RPL6: variants seen among roughly 807,000 people sequenced by gnomAD.
The protein encoded by RPL6 is large ribosomal subunit protein eL6.
Under a neutral mutation model 32.1 loss-of-function variants are expected in RPL6, and 1 was observed. The ratio of observed to expected loss-of-function variants is 0.03; its 90% CI spans 0.01 to 0.15. The LOEUF (loss-of-function observed/expected upper bound fraction) is 0.15, where lower values mean the gene tolerates loss of function less well. Ranked by LOEUF, RPL6 falls within the 10% of genes least tolerant of loss-of-function variation. The pLI, the probability that RPL6 is intolerant of heterozygous loss-of-function variation, is 1.00. For synonymous variants in RPL6, 126 were observed against 131.6 expected, an observed-to-expected ratio of 0.96 and a Z score of 0.29; for missense variants, 275 against 354.6, an observed-to-expected ratio of 0.78 and a Z score of 1.80.
intron 6 of RPL6, 175 bp from the exon 7 acceptor site, chr12:112,405,551 T>C: frequency 1.4e-6 from 1 of 705,362 alleles, no homozygotes; most frequent in Admixed American, 3.1e-5. Flanking sequence ...TTTTTTAATG[T>C]AATAAAAGTA....
chr12:112,407,643 G>C (rs2037212529), intron 3 of RPL6: 1 of 153,216 alleles, frequency 6.5e-6, no homozygotes, highest in Non-Finnish European at 1.5e-5. Flanking sequence ...GTGTGGTAAA[G>C]GGGGCCAAGA....
chr12:112,406,962 A>G (rs2037189278), intron 3 of RPL6, 72 bp from the exon 4 acceptor site: 1 of 1,511,688 alleles, frequency 6.6e-7, no homozygotes, highest in Non-Finnish European at 9.1e-7. Context: ...TATGTCAGCC[A>G]AACTTTTGCT....
intron 1 of RPL6, among the ~76,000 whole-genome samples, chr12:112,417,299 C>A (rs1158267660): frequency 6.6e-6 from 1 of 152,042 alleles, no homozygotes; most frequent in African/African-American, 2.4e-5. Flanking sequence ...CTCAAGTGAT[C>A]TGCTCTCCTT....
At chr12:112,408,158 T>C (rs2037233379) in intron 3 of RPL6, 82 bp downstream of exon 3, 1 of 1,032,582 alleles carries the variant, frequency 9.7e-7, no homozygotes, top group Admixed American at 2.3e-5. Context: ...ATGCAGAAAC[T>C]TACAGTATCT....
intron 1 of RPL6, 181 bp downstream of exon 1, chr12:112,409,406 C>G: frequency 2.5e-6 from 1 of 398,576 alleles, no homozygotes; most frequent in Non-Finnish European, 4.4e-6. Context: ...GGCATTCTAC[C>G]TCACCCTCTT....
chr12:112,406,862 G>A lies in RPL6; in HGVS notation c.365C>T (p.Pro122Leu). 6.2e-7 allele frequency: 1 copy of A among 1,614,198 alleles called. No homozygotes were observed. Among genetic ancestry groups the A allele is most frequent in the Non-Finnish European group, 8.5e-7 (1 of 1,180,030 alleles). Residue 122 changes from proline (P) to leucine (L), a missense_variant, in exon 4 of 7, where the codon CCT (proline) becomes CTT (leucine). By Grantham distance (98) the Pro-to-Leu change is moderately conservative (BLOSUM62 -3). Coordinates refer to ENST00000202773, the MANE Select transcript of RPL6 (RefSeq NM_000970.6). ...TTTGCCGTGGCTCAACAGCTTTCGA[G>A]GCACATCTTCAGTAGGATAATATCT... is the stretch of plus-strand genomic sequence containing the variant. ...MPRYYPTEDV[P>L]RKLLSHGKKP...
intron 3 of RPL6, 31 bp downstream of exon 3, chr12:112,408,209 G>C: frequency 6.5e-7 from 1 of 1,534,218 alleles, no homozygotes; most frequent in African/African-American, 1.4e-5. Flanking sequence ...AGCATAAACA[G>C]AAAATCCAAT....
chr12:112,405,403 TA>T, intron 6 of RPL6, 27 bp from the exon 7 acceptor site: 1 of 1,608,996 alleles, frequency 6.2e-7, no homozygotes, highest in East Asian at 2.2e-5. Flanking sequence ...TCAAACATTT[TA>T]AAACAGGCAC....
chr12:112,418,803 C>A, exon 1 of RPL6: 1 of 462,976 alleles, frequency 2.2e-6, no homozygotes, highest in Non-Finnish European at 3.9e-6. Flanking sequence ...AGCCCCCGCG[C>A]TGCCATTCCC....
intron 1 of RPL6, chr12:112,408,898 C>A: frequency 2.1e-6 from 1 of 467,606 alleles, no homozygotes; most frequent in South Asian, 4.3e-5. Context: ...TACCTCACAC[C>A]TATTAGGTTT....
Position 112,405,550 on chromosome 12 carries a change from G to C in RPL6, c.715-174C>G, listed in dbSNP as rs1436351898. 4 of 704,230 alleles carry C rather than the reference G, an allele frequency of 5.7e-6. No individual in the cohort carries two copies. In the East Asian group the frequency reaches 1.1e-4, roughly 19 times the overall value. 43.6% of individuals were successfully genotyped at this position (704,230 alleles called of 1,614,324 possible). Reference sequence around the variant, plus strand: ...TGTGAAACACAACCCATTTTTTAATGTAATAAAAGTAGCTCTTAAGCTTTT... The same window carrying C: ...TGTGAAACACAACCCATTTTTTAATCTAATAAAAGTAGCTCTTAAGCTTTT... On this transcript the variant is annotated intron_variant, in intron 6 of 6. Transcript: ENST00000202773.
Position 112,405,921 on chromosome 12 carries a change from A to G in RPL6, c.646T>C (p.Tyr216His). 3.1e-6 allele frequency: 5 copies of G among 1,614,030 alleles called. No homozygotes were observed. Among genetic ancestry groups the G allele is most frequent in the Non-Finnish European group, 4.2e-6 (5 of 1,179,942 alleles). ...VKIPKHLTDA[Y>H]FKKKKLRKPR... ...TTCCGCAGCTTCTTCTTCTTGAAGT[A>G]AGCATCAGTAAGATGTTTTGGGATT... The change falls in exon 6 of 7, where the codon TAC (tyrosine) becomes CAC (histidine). Residue 216 changes from tyrosine to histidine, a missense_variant. Tyr to His is a moderately conservative substitution (Grantham distance 83). Coordinates refer to ENST00000202773, the MANE Select transcript of RPL6 (RefSeq NM_000970.6).
chr12:112,410,011 A>G (rs2037313038), upstream of RPL6, among the ~76,000 whole-genome samples: 1 of 151,142 alleles, frequency 6.6e-6, no homozygotes, highest in Non-Finnish European at 1.5e-5. Context: ...CAAAAAAGAA[A>G]AAAAAAAAAA....
chr12:112,409,353 C>T (rs2037287452), intron 1 of RPL6: 2 of 396,452 alleles, frequency 5.0e-6, no homozygotes, highest in Admixed American at 4.4e-5. Flanking sequence ...GGCCTCGTTC[C>T]CCCAGCCCAA....
chr12:112,405,239 G>T lies in RPL6; in HGVS notation c.852C>A (p.His284Gln). 1.3e-6 allele frequency: 2 copies of T among 1,571,544 alleles called. No individual in the cohort carries two copies. The highest frequency in any genetic ancestry group is 1.7e-6 in the Non-Finnish European group (2 of 1,162,368). Residue 284 changes from histidine (H) to glutamine (Q), a missense_variant, in exon 7 of 7, where the codon CAC becomes CAA. By Grantham distance (24) the His-to-Gln change is conservative. Coordinates refer to ENST00000202773, the MANE Select transcript of RPL6 (RefSeq NM_000970.6). ...VFALTNGIYPHKLVF is the reference protein window; with the variant it reads ...VFALTNGIYPQKLVF ...CTTAAGACATTTAGAACACCAATTT[G>T]TGAGGATAAATTCCATTCGTCAGAG...
At chr12:112,406,077 G>C in intron 5 of RPL6, 40 bp from the exon 6 acceptor site, 1 of 1,530,264 alleles carries the variant, frequency 6.5e-7, no homozygotes, top group Non-Finnish European at 9.0e-7. Flanking sequence ...AAAGGGGGAA[G>C]AATCATCATC....
rs113327375 is a variant in RPL6 at position 112,406,724 on chromosome 12, G to A, written c.480+23C>T. 3.0e-5 allele frequency: 48 copies of A among 1,612,716 alleles called. 1 individual carries two copies. In the Middle Eastern group the frequency reaches 8.6e-4, roughly 29 times the overall value. On this transcript the variant is annotated intron_variant, in intron 4 of 6. Coordinates refer to ENST00000202773, the MANE Select transcript of RPL6 (RefSeq NM_000970.6). ...GCACCCCAGGCAGCTGCAGTGAAGC[G>A]CCCCAAGCACAGGTACTCTCACCTT...
intron 3 of RPL6, 48 bp downstream of exon 3, chr12:112,408,192 G>A: frequency 7.5e-7 from 1 of 1,341,622 alleles, no homozygotes; most frequent in Non-Finnish European, 1.1e-6. Context: ...CATCTTCACA[G>A]TATTCAAGCA....
chr12:112,407,192 A>G (rs61941342), intron 3 of RPL6: 5 of 262,362 alleles, frequency 1.9e-5, no homozygotes, highest in East Asian at 1.8e-4. Flanking sequence ...CACGTGTGAC[A>G]TGCCACATTT....
Sources: allele counts gnomAD v4.1 joint callset (sites outside exome capture counted in the v4.1 genomes callset), GRCh38; gene constraint gnomAD v4.1.1; transcripts MANE v1.5; gene names NCBI Gene and HGNC (gene_info 2026-07-23, HGNC 2026-07-21).